PHRF1: variants seen among roughly 807,000 people sequenced by gnomAD.
PHRF1 encodes PHD and RING finger domain-containing protein 1.
In PHRF1, 53 loss-of-function variants were observed where a neutral mutation model predicts 128.9. The observed-to-expected ratio is 0.41, with a 90% confidence interval of 0.33 to 0.52. The LOEUF is 0.52. Ranked by LOEUF, PHRF1 falls within the 20% of genes least tolerant of loss-of-function variation. The pLI is 0.21. For missense variants in PHRF1, 2,503 were observed against 2,284.5 expected (o/e 1.10, Z -1.95); for synonymous variants, 1,178 against 980.6 (o/e 1.20, Z -3.76).
In PHRF1 at chr11:605,146, G is replaced by A. The variant is rs1855867358; in HGVS notation, c.1180G>A (p.Ala394Thr). 6 of 1,612,352 alleles carry A rather than the reference G, an allele frequency of 3.7e-6. No homozygotes were observed. The highest frequency in any genetic ancestry group is 1.1e-5 in the South Asian group (1 of 91,070). Residue 394 changes from alanine to threonine, a missense_variant, in exon 11 of 18, where the codon GCG (alanine) becomes ACG (threonine). Transcript: ENST00000264555. ...TGAAGCCACCACTCGCTCTCGAATCGCGCGGACGCTGGGCCTGCGCAGGCC... is the reference window on the plus strand; with the variant it reads ...TGAAGCCACCACTCGCTCTCGAATCACGCGGACGCTGGGCCTGCGCAGGCC... ...KSEATTRSRI[A>T]RTLGLRRPVH...
intron 6 of PHRF1, among the ~76,000 whole-genome samples, chr11:594,925 G>A (rs1427309636): frequency 1.3e-5 from 2 of 152,140 alleles, no homozygotes; most frequent in East Asian, 1.9e-4. Context: ...AAACCCTGGT[G>A]GATCTAAAAC....
chr11:596,089 C>T (rs1458655072), intron 6 of PHRF1, among the ~76,000 whole-genome samples: 4 of 152,324 alleles, frequency 2.6e-5, no homozygotes, highest in East Asian at 1.9e-4. Flanking sequence ...AACAGTTCAG[C>T]CCGTGGTAAG....
chr11:577,013 C>T lies in PHRF1; in HGVS notation c.-22+421C>T, dbSNP rs1485200757. Among the ~76,000 whole-genome samples the T allele has an allele frequency of 2.6e-5, 4 of 152,324 alleles. No homozygotes were observed. The East Asian group carries it at 5.8e-4, about 22-fold the overall frequency. On this transcript the variant is annotated intron_variant, in intron 1 of 17. Transcript: ENST00000264555. The stretch of plus-strand genomic sequence containing the variant: ...TCTGTGGCACCCACGCCCATGCCCC[C>T]TGCGAGTCCGCCCTGCCGCGTTTGG...
At chr11:602,744 TTTTTGG>T (rs1855701771) in intron 10 of PHRF1, among the ~76,000 whole-genome samples, 7 of 150,988 alleles carry the variant, frequency 4.6e-5, no homozygotes, top group African/African-American at 1.5e-4. Context: ...TGCTGAATCT[TTTTTGG>T]TTTTGTTTTT....
At position 608,855 on chromosome 11, in the gene PHRF1, C is replaced by T; in HGVS notation, c.3399C>T (p.Cys1133=). The T allele has an allele frequency of 1.2e-6, 2 of 1,612,312 alleles. No individual in the cohort carries two copies. Among genetic ancestry groups the T allele is most frequent in the Non-Finnish European group, 1.7e-6 (2 of 1,179,820 alleles). Residue 1133 remains cysteine (C), a synonymous_variant, in exon 14 of 18, where the codon TGC becomes TGT. Coordinates refer to ENST00000264555, the MANE Select transcript of PHRF1 (RefSeq NM_001286581.2). ...CCACCAGCAGCCTGGAGAGGCTCTG[C>T]AGGCACAAGCATCAGCGGGAACGCA... The part of the protein sequence containing the change: ...CSPTSSLERL[C]RHKHQRERSH...
rs751301236 is a variant in PHRF1, at chr11:609,197, G to A, written c.3741G>A (p.Glu1247=). The A allele has an allele frequency of 6.2e-7, 1 of 1,608,404 alleles. No homozygotes were observed. Among genetic ancestry groups the A allele is most frequent in the Non-Finnish European group, 8.5e-7 (1 of 1,179,720 alleles). The change falls in exon 14 of 18, where the codon GAG becomes GAA. Residue 1247 remains glutamate, a synonymous_variant. Coordinates refer to ENST00000264555, the MANE Select transcript of PHRF1 (RefSeq NM_001286581.2). ...KAPLQAPPVL[E]VAAECEPDDL... ...CCCTGCAGGCTCCCCCTGTCCTGGA[G>A]GTGGCAGCTGAGTGTGAGCCGGACG...
intron 1 of PHRF1, among the ~76,000 whole-genome samples, chr11:577,601 C>T (rs908708608): frequency 2.0e-5 from 3 of 152,252 alleles, no homozygotes; most frequent in Non-Finnish European, 4.4e-5. Context: ...TATCTCAGGC[C>T]CGCGGAGACC....
chr11:585,812 C>G (rs1174202458), intron 3 of PHRF1, among the ~76,000 whole-genome samples: 2 of 151,652 alleles, frequency 1.3e-5, no homozygotes, highest in East Asian at 3.9e-4. Flanking sequence ...TCCCAAGTAG[C>G]TGGGACTATA....
At position 584,516 on chromosome 11, in the gene PHRF1, G is replaced by A. The variant is rs149495935; in HGVS notation, c.214+2435G>A. On this transcript the variant is annotated intron_variant, in intron 3 of 17. Coordinates refer to ENST00000264555, the MANE Select transcript of PHRF1 (RefSeq NM_001286581.2). ...GGCAGGCTCCATGGACCTGGGGTGGGGAGAGGCTTCTGGAGAATCCAAGCT... is the reference window on the plus strand; with the variant it reads ...GGCAGGCTCCATGGACCTGGGGTGGAGAGAGGCTTCTGGAGAATCCAAGCT... 3.7e-3 allele frequency among the ~76,000 whole-genome samples: 561 copies of A among 152,218 alleles called. 2 individuals are homozygous for A. Among genetic ancestry groups the A allele is most frequent in the African/African-American group, 0.013 (539 of 41,520 alleles).
At chr11:579,748 C>A (rs1406765370) in intron 1 of PHRF1, among the ~76,000 whole-genome samples, 1 of 152,244 alleles carries the variant, frequency 6.6e-6, no homozygotes, top group Non-Finnish European at 1.5e-5. Context: ...TTTGGCAAAA[C>A]TACTTCTACA....
At position 597,900 on chromosome 11, in the gene PHRF1, C is replaced by T. The variant is rs1027662046; in HGVS notation, c.894+330C>T. Among the ~76,000 whole-genome samples, 3 of 152,228 alleles carry T rather than the reference C, an allele frequency of 2.0e-5. No homozygotes were observed. The highest frequency in any genetic ancestry group is 2.9e-5 in the Non-Finnish European group (2 of 68,032). On this transcript the variant is annotated intron_variant, in intron 8 of 17. Transcript: ENST00000264555. The surrounding 1 kb of genome is among the most constrained non-coding windows in gnomAD (Gnocchi z 6.5). ...TCTAGGCACCTGTGAGCACCTTCCT[C>T]TTGCACTGGACCTGGTGCTCGGTTT...
At chr11:600,180 G>A (rs1015155734) in intron 9 of PHRF1, among the ~76,000 whole-genome samples, 2 of 151,940 alleles carry the variant, frequency 1.3e-5, no homozygotes, top group Non-Finnish European at 1.5e-5. Flanking sequence ...GTGCACTCAG[G>A]GATGTCAGGC....
intron 3 of PHRF1, among the ~76,000 whole-genome samples, chr11:585,078 C>G (rs1056531206): frequency 6.6e-6 from 1 of 152,174 alleles, no homozygotes. Flanking sequence ...CAGTGGGTCC[C>G]TAACTGGTGG....
chr11:594,212 T>G (rs555368785), intron 6 of PHRF1, among the ~76,000 whole-genome samples: 2 of 152,276 alleles, frequency 1.3e-5, no homozygotes, highest in South Asian at 4.1e-4. Flanking sequence ...TCTGGGCATG[T>G]GAAGGAAGGG....
intron 15 of PHRF1, 59 bp from the exon 16 acceptor site, chr11:610,442 T>A (rs1856299462): frequency 6.4e-7 from 1 of 1,563,322 alleles, no homozygotes; most frequent in South Asian, 1.2e-5. Flanking sequence ...GCCTCACAGC[T>A]CCTGGGCACA....
intron 4 of PHRF1, among the ~76,000 whole-genome samples, chr11:589,252 G>GT (rs1158788222): frequency 6.6e-6 from 1 of 152,160 alleles, no homozygotes; most frequent in Non-Finnish European, 1.5e-5. Context: ...ATAAGGAGAC[G>GT]TGTAAGACAT....
rs1273163790 is a variant in PHRF1, at chr11:610,217, A to G, written c.4286A>G (p.Gln1429Arg). ...RAPRAPLHRP[Q>R]KPREGAWDME... is the part of the protein sequence containing the mutation. ...CCAGGGGCACCACTTCACAGGCCAC[A>G]GAAGCCCCGAGAAGGAGCCTGGGAC... Residue 1429 changes from glutamine to arginine, a missense_variant, in exon 15 of 18, where the codon CAG becomes CGG. Physicochemically the swap from Gln to Arg is conservative, Grantham distance 43. Coordinates refer to ENST00000264555, the MANE Select transcript of PHRF1 (RefSeq NM_001286581.2). The G allele has an allele frequency of 5.8e-6, 9 of 1,539,914 alleles. No individual in the cohort carries two copies. Among genetic ancestry groups the G allele is most frequent in the Non-Finnish European group, 7.0e-6 (8 of 1,140,258 alleles).
intron 10 of PHRF1, among the ~76,000 whole-genome samples, chr11:602,468 G>T (rs1855682103): frequency 6.6e-6 from 1 of 151,936 alleles, no homozygotes; most frequent in South Asian, 2.1e-4. Flanking sequence ...ATCACCTGAG[G>T]TCAGGAGTTC....
At chr11:594,006 G>A (rs866926854) in intron 6 of PHRF1, among the ~76,000 whole-genome samples, 29 of 152,322 alleles carry the variant, frequency 1.9e-4, no homozygotes, top group African/African-American at 6.3e-4. Flanking sequence ...GGGCAGGGCT[G>A]CTGCCTTGAC....
Sources: gnomAD v4.1 joint callset for allele counts (sites outside exome capture counted in the v4.1 genomes callset) on GRCh38, gnomAD v4.1.1 for gene constraint, Gnocchi (gnomAD v3.1) non-coding constraint, MANE v1.5 for transcripts, NCBI Gene and HGNC (gene_info 2026-07-23, HGNC 2026-07-21) for gene names.